Variants in PHIP observed in about 807,000 individuals in gnomAD.
The protein encoded by PHIP is PH-interacting protein.
In PHIP, 54 loss-of-function variants were observed where a neutral mutation model predicts 236.8. The ratio of observed to expected loss-of-function variants is 0.23; its 90% CI spans 0.18 to 0.29. The LOEUF is 0.29. Among genes scored for constraint, PHIP ranks in the 10% least tolerant of loss-of-function variants. The probability of loss-of-function intolerance (pLI) is 1.00; values close to 1 mark genes in which losing one functional copy is unlikely to be tolerated. For synonymous variants in PHIP, 756 were observed against 718.9 expected, an observed-to-expected ratio of 1.05 and a Z score of -0.83; for missense variants, 1,370 against 2,190.8, an observed-to-expected ratio of 0.63 and a Z score of 7.48.
chr6:79,000,823 A>AT (rs1452757670), intron 17 of PHIP, among the ~76,000 whole-genome samples: 2 of 152,072 alleles, frequency 1.3e-5, no homozygotes, highest in Non-Finnish European at 2.9e-5. Context: ...CAAACTCCAG[A>AT]TAAGTCCACT....
chr6:78,968,302 G>A (rs955496573), intron 27 of PHIP, among the ~76,000 whole-genome samples: 4 of 152,180 alleles, frequency 2.6e-5, no homozygotes, highest in Non-Finnish European at 4.4e-5. Context: ...TTGACAGTAA[G>A]TATCAGAGTT....
rs146720920 is a variant in PHIP at position 78,997,386 on chromosome 6, G to C, written c.2201+28C>G. ...TCCAAAATGAACCCAAGGAACTATG[G>C]TACATAAAAATTCACAACTTCCCTT... On this transcript the variant is annotated intron_variant, in intron 19 of 39. Transcript: ENST00000275034. 3.8e-6 allele frequency: 6 copies of C among 1,596,742 alleles called. No individual in the cohort carries two copies. The East Asian group carries it at 1.3e-4, about 36-fold the overall frequency.
At chr6:79,049,365 A>G (rs932005838) in intron 6 of PHIP, among the ~76,000 whole-genome samples, 3 of 152,062 alleles carry the variant, frequency 2.0e-5, no homozygotes, top group African/African-American at 7.2e-5. Context: ...GCTGGTCTTG[A>G]CTAGTTTTAT....
At position 79,025,002 on chromosome 6, in the gene PHIP, G is replaced by A. The variant is rs1771324805; in HGVS notation, c.923+517C>T. 2.6e-5 allele frequency among the ~76,000 whole-genome samples: 4 copies of A among 152,034 alleles called. No homozygotes were observed. In the South Asian group the frequency reaches 6.2e-4, roughly 24 times the overall value. On this transcript the variant is annotated intron_variant, in intron 9 of 39. Coordinates refer to ENST00000275034, the MANE Select transcript of PHIP (RefSeq NM_017934.7). ...TTTTGATAAACCGAAGTATTAATAT[G>A]GGCGACCGCACAAATGCAAAATGTT...
chr6:78,990,874 G>T lies in PHIP; in HGVS notation c.2313C>A (p.Val771=). 6.5e-7 allele frequency: 1 copy of T among 1,538,860 alleles called. No individual in the cohort carries two copies. The highest frequency in any genetic ancestry group is 2.3e-5 in the East Asian group (1 of 44,274). Residue 771 remains valine, a synonymous_variant, in exon 20 of 40, where the codon GTC becomes GTA. Transcript: ENST00000275034. ...TVPKENKIPT[V]SKNHAHEHFL... ...CAAAATAATTAATATGTACCTTTGA[G>T]ACAGTGGGTATTTTATTCTCTTTTG...
chr6:79,026,223 A>C (rs1305956751), intron 7 of PHIP, 59 bp from the exon 8 acceptor site: 2 of 1,194,268 alleles, frequency 1.7e-6, no homozygotes, highest in African/African-American at 1.5e-5. Context: ...TCAAAATCTT[A>C]ACACTGATAA....
At position 79,028,867 on chromosome 6, in the gene PHIP, T is replaced by G. The variant is rs550021428; in HGVS notation, c.601-2703A>C. Reference sequence around the variant, plus strand: ...TCCACTATAAAGATGCTTCACATATTTTTCATGTTAACAAATAAAAACACC... The same window carrying G: ...TCCACTATAAAGATGCTTCACATATGTTTCATGTTAACAAATAAAAACACC... On this transcript the variant is annotated intron_variant, in intron 7 of 39. Coordinates refer to ENST00000275034, the MANE Select transcript of PHIP (RefSeq NM_017934.7). Among the ~76,000 whole-genome samples, 5 of 152,302 alleles carry G rather than the reference T, an allele frequency of 3.3e-5. No homozygotes were observed. The South Asian group carries it at 8.3e-4, about 25-fold the overall frequency.
At chr6:78,967,792 T>C (rs979806634) in intron 27 of PHIP, among the ~76,000 whole-genome samples, 1 of 152,150 alleles carries the variant, frequency 6.6e-6, no homozygotes, top group African/African-American at 2.4e-5. Context: ...TGCACTTTGA[T>C]CTCTATTATT....
At chr6:78,950,300 A>C (rs1445613697) in intron 35 of PHIP, among the ~76,000 whole-genome samples, 1 of 152,134 alleles carries the variant, frequency 6.6e-6, no homozygotes, top group African/African-American at 2.4e-5. Context: ...TATTTCGTTA[A>C]AGGTTTTTCT....
chr6:78,992,053 C>T (rs577451252), intron 19 of PHIP, among the ~76,000 whole-genome samples: 2 of 151,226 alleles, frequency 1.3e-5, no homozygotes. Flanking sequence ...GCTCTGCCCC[C>T]CGGGGTTCAC....
chr6:78,997,440 T>C lies in PHIP; in HGVS notation c.2175A>G (p.Val725=), dbSNP rs1273455711. The C allele has an allele frequency of 6.2e-7, 1 of 1,613,774 alleles. No homozygotes were observed. The highest frequency in any genetic ancestry group is 8.5e-7 in the Non-Finnish European group (1 of 1,179,894). The change falls in exon 19 of 40, where the codon GTA becomes GTG. Residue 725 remains valine, a synonymous_variant. Transcript: ENST00000275034. ...TGGCTACACCAGCTGATAGCTCGGGTACTACCACCCTTCGACTCCAAGCTA... is the reference window on the plus strand; with the variant it reads ...TGGCTACACCAGCTGATAGCTCGGGCACTACCACCCTTCGACTCCAAGCTA... ...DLVAWSRRVV[V]PELSAGVASR... is the part of the protein sequence containing the mutation.
chr6:78,950,462 C>A (rs1183461036), intron 35 of PHIP, among the ~76,000 whole-genome samples: 1 of 152,116 alleles, frequency 6.6e-6, no homozygotes, highest in Non-Finnish European at 1.5e-5. Context: ...TCCAGTGAAG[C>A]CATCCAGGAC....
chr6:79,073,605 A>T (rs1239506046), intron 4 of PHIP, among the ~76,000 whole-genome samples: 1 of 151,956 alleles, frequency 6.6e-6, no homozygotes, highest in Non-Finnish European at 1.5e-5. Flanking sequence ...TAGGTTTTAT[A>T]CCTTAACTTT....
chr6:78,965,740 CT>C lies in PHIP; in HGVS notation c.3341del (p.Lys1114ArgfsTer2). The C allele has an allele frequency of 6.4e-7, 1 of 1,573,380 alleles. No homozygotes were observed. Among genetic ancestry groups the C allele is most frequent in the Non-Finnish European group, 8.7e-7 (1 of 1,146,066 alleles). On this transcript the variant is annotated frameshift_variant, in exon 29 of 40. Transcript: ENST00000275034. LOFTEE classifies it high-confidence loss of function. Reference protein sequence around the residue: ...NVCWDNGDTEKMSPWDMELIP... With the variant: ...NVCWDNGDTEXMSPWDMELIP... ...TAAGCTCCATATCCCAAGGACTCAT[CT>C]TTTCTGTATCTCCATTGTCCCAGCT...
At chr6:78,945,213 A>G in intron 39 of PHIP, 87 bp downstream of exon 39, 1 of 1,006,882 alleles carries the variant, frequency 9.9e-7, no homozygotes, top group Non-Finnish European at 1.5e-6. Flanking sequence ...GGGCAACCTG[A>G]AAAGTGGATA....
chr6:78,987,731 AAAT>A (rs1446097097), intron 21 of PHIP, among the ~76,000 whole-genome samples: 1 of 152,216 alleles, frequency 6.6e-6, no homozygotes, highest in Non-Finnish European at 1.5e-5. Context: ...ATATTTACTG[AAAT>A]AATGACGCAT....
intron 7 of PHIP, among the ~76,000 whole-genome samples, chr6:79,036,276 T>C (rs1246579285): frequency 6.6e-6 from 1 of 152,214 alleles, no homozygotes. Context: ...ACTGCTATTG[T>C]ATACATCCCA....
In PHIP at chr6:78,945,557, A is replaced by C; in HGVS notation, c.4631-60T>G. 4 of 1,044,510 alleles carry C rather than the reference A, an allele frequency of 3.8e-6. No individual in the cohort carries two copies. The East Asian group carries it at 1.0e-4, about 27-fold the overall frequency. The allele number at this position is 1,044,510 out of a possible 1,614,324, so 64.7% of individuals were successfully genotyped here. A position where few individuals can be genotyped will look rare whatever the true frequency, so the allele number is the denominator to read the frequency against. ...TTATTGAACCTAAAGATAAGAAAAA[A>C]GGTTAACCTGAATTATTTGAATTAG... On this transcript the variant is annotated intron_variant, in intron 38 of 39. Transcript: ENST00000275034.
intron 7 of PHIP, among the ~76,000 whole-genome samples, chr6:79,034,507 C>T (rs1407833829): frequency 6.6e-6 from 1 of 152,186 alleles, no homozygotes; most frequent in East Asian, 1.9e-4. Flanking sequence ...AACCAAACAG[C>T]ACCTAAAGTC....
Sources: allele counts gnomAD v4.1 joint callset (sites outside exome capture counted in the v4.1 genomes callset), GRCh38; gene constraint gnomAD v4.1.1; transcripts MANE v1.5; gene names NCBI Gene and HGNC (gene_info 2026-07-23, HGNC 2026-07-21).